Variants in LGMN observed in about 807,000 individuals in gnomAD.
The protein encoded by LGMN is legumain.
Under a neutral mutation model 56.8 loss-of-function variants are expected in LGMN, and 36 were observed. That is an observed-to-expected ratio of 0.63 (90% CI 0.49 to 0.84). The LOEUF is 0.84. Among genes scored for constraint, LGMN ranks in the 40% least tolerant of loss-of-function variants. The probability of loss-of-function intolerance (pLI) is 0.00; values close to 1 mark genes in which losing one functional copy is unlikely to be tolerated. For synonymous variants in LGMN, 199 were observed against 210.1 expected, an observed-to-expected ratio of 0.95 and a Z score of 0.46; for missense variants, 446 against 556.1, an observed-to-expected ratio of 0.80 and a Z score of 1.99.
At chr14:92,706,742 A>G in intron 11 of LGMN, 89 bp from the exon 12 acceptor site, 1 of 1,216,532 alleles carries the variant, frequency 8.2e-7, no homozygotes, top group Non-Finnish European at 1.1e-6. Context: ...TTCAAAGGCT[A>G]CTCTCCACAC....
At chr14:92,746,708 C>T (rs1891834079) in intron 1 of LGMN, among the ~76,000 whole-genome samples, 2 of 152,138 alleles carry the variant, frequency 1.3e-5, no homozygotes, top group Admixed American at 1.3e-4. Context: ...ACAGGAAGCC[C>T]TGGAAGATGT....
chr14:92,740,762 C>T (rs1016875702), intron 1 of LGMN, among the ~76,000 whole-genome samples: 2 of 152,200 alleles, frequency 1.3e-5, no homozygotes, highest in African/African-American at 2.4e-5. Context: ...CTGAGCTACA[C>T]AAAGTCAAAG....
intron 13 of LGMN, 77 bp from the exon 14 acceptor site, chr14:92,704,438 G>A (rs1179538113): frequency 1.1e-5 from 14 of 1,255,630 alleles, no homozygotes; most frequent in Admixed American, 7.2e-5. Flanking sequence ...ACCCACATGC[G>A]GCAGGCAGGC....
intron 1 of LGMN, chr14:92,743,122 T>TC (rs1254641548): frequency 6.6e-6 from 1 of 152,010 alleles, no homozygotes; most frequent in Non-Finnish European, 1.5e-5. Context: ...GCCTTCACAG[T>TC]CCATCTGTGA....
At chr14:92,739,235 C>T (rs528503892) in intron 1 of LGMN, among the ~76,000 whole-genome samples, 90 of 152,208 alleles carry the variant, frequency 5.9e-4, no homozygotes, top group African/African-American at 2.1e-3. Context: ...AAAACAAAGT[C>T]ACCAATAATC....
At chr14:92,744,841 G>A (rs984910211) in intron 1 of LGMN, among the ~76,000 whole-genome samples, 13 of 152,070 alleles carry the variant, frequency 8.5e-5, no homozygotes, top group Admixed American at 2.6e-4. Flanking sequence ...TGATCCGCCC[G>A]GCTCAGCCTC....
At chr14:92,723,793 G>T (rs907157936) in intron 2 of LGMN, among the ~76,000 whole-genome samples, 1 of 151,982 alleles carries the variant, frequency 6.6e-6, no homozygotes, top group Non-Finnish European at 1.5e-5. Context: ...GTGCAGCAGT[G>T]TGATCATGGC....
chr14:92,733,619 T>C (rs1891162244), intron 1 of LGMN: 1 of 152,222 alleles, frequency 6.6e-6, no homozygotes, highest in Non-Finnish European at 1.5e-5. Context: ...AAGACCAGAC[T>C]GGCCAACAAG....
At chr14:92,745,314 TAGCTAC>T (rs2140286552) in intron 1 of LGMN, among the ~76,000 whole-genome samples, 1 of 152,376 alleles carries the variant, frequency 6.6e-6, no homozygotes, top group African/African-American at 2.4e-5. Context: ...TAACTTTTTA[TAGCTAC>T]ATGTTAACTC....
Position 92,711,881 on chromosome 14 carries a change from G to A in LGMN, c.685C>T (p.Leu229=), listed in dbSNP as rs371679365. Residue 229 remains leucine, a synonymous_variant, in exon 9 of 14, where the codon CTG becomes TTG. Coordinates refer to ENST00000334869, the MANE Select transcript of LGMN (RefSeq NM_005606.7). ...CYYDEKRSTY[L]GDWYSVNWME... ...CAGTTGACGCTGTACCAGTCCCCCAGGTACGTGGACCTCTTCTCATCATAG... is the reference window on the plus strand; with the variant it reads ...CAGTTGACGCTGTACCAGTCCCCCAAGTACGTGGACCTCTTCTCATCATAG... The A allele has an allele frequency of 3.1e-6, 5 of 1,613,986 alleles. No homozygotes were observed. The highest frequency in any genetic ancestry group is 4.2e-6 in the Non-Finnish European group (5 of 1,179,998).
intron 2 of LGMN, among the ~76,000 whole-genome samples, chr14:92,729,567 A>G (rs1313217621): frequency 6.6e-6 from 1 of 151,508 alleles, no homozygotes; most frequent in Non-Finnish European, 1.5e-5. Context: ...ATTAACAAGT[A>G]TAACACATAG....
chr14:92,725,567 T>G (rs539253517), intron 2 of LGMN, among the ~76,000 whole-genome samples: 1 of 152,020 alleles, frequency 6.6e-6, no homozygotes, highest in African/African-American at 2.4e-5. Context: ...AAAAGCGGAT[T>G]TCTTTTTTCT....
At chr14:92,704,735 A>C in intron 12 of LGMN, 28 bp from the exon 13 acceptor site, 1 of 1,573,468 alleles carries the variant, frequency 6.4e-7, no homozygotes, top group South Asian at 1.1e-5. Context: ...AGAAGAATGA[A>C]ACTTCCTCAT....
At chr14:92,718,325 G>C (rs980501576) in intron 3 of LGMN, among the ~76,000 whole-genome samples, 7 of 152,104 alleles carry the variant, frequency 4.6e-5, no homozygotes, top group African/African-American at 1.7e-4. Flanking sequence ...TGTAATCCCA[G>C]CATTTTGGGA....
chr14:92,711,859 T>C lies in LGMN; in HGVS notation c.707A>G (p.Asn236Ser), dbSNP rs189805476. 3.8e-5 allele frequency: 62 copies of C among 1,613,770 alleles called. No homozygotes were observed. Among genetic ancestry groups the C allele is most frequent in the Non-Finnish European group, 5.2e-5 (61 of 1,179,618 alleles). Residue 236 changes from asparagine to serine, a missense_variant, in exon 9 of 14, where the codon AAC (asparagine) becomes AGC (serine). Physicochemically the swap from Asn to Ser is conservative, Grantham distance 46 (BLOSUM62 1). Transcript: ENST00000334869. ...STYLGDWYSV[N>S]WMEDSDVEDL... The stretch of plus-strand genomic sequence containing the variant: ...CACCACGTCCGAATCTTCCATCCAG[T>C]TGACGCTGTACCAGTCCCCCAGGTA...
At chr14:92,745,714 G>C (rs1172073507) in intron 1 of LGMN, among the ~76,000 whole-genome samples, 1 of 152,116 alleles carries the variant, frequency 6.6e-6, no homozygotes, top group African/African-American at 2.4e-5. Flanking sequence ...AATGTCTCTG[G>C]CTTCTTAGTA....
Position 92,722,155 on chromosome 14 carries a change from G to A in LGMN, c.139-3311C>T, listed in dbSNP as rs117012495. 5.5e-3 allele frequency among the ~76,000 whole-genome samples: 830 copies of A among 152,058 alleles called. 12 individuals are homozygous for A. Among genetic ancestry groups the A allele is most frequent in the Non-Finnish European group, 5.2e-3 (351 of 68,006 alleles). On this transcript the variant is annotated intron_variant, in intron 2 of 13. Transcript: ENST00000334869. ...AAGGGAAGGAGAGTCCATCAGACAG[G>A]GGACAAGGTACTAGTATAATTTTTT...
chr14:92,705,012 C>T, intron 12 of LGMN: 1 of 309,688 alleles, frequency 3.2e-6, no homozygotes, highest in South Asian at 4.6e-5. Flanking sequence ...CCTGGGATCT[C>T]CCCGGGAAGT....
At position 92,742,285 on chromosome 14, in the gene LGMN, T is replaced by C. The variant is rs147666023; in HGVS notation, c.-30+6204A>G. The stretch of plus-strand genomic sequence containing the variant: ...TAAAAGAAAATGTCTTGCTGTTTTT[T>C]GTTTTGCTTTTTTTTTTTTTCTTTT... On this transcript the variant is annotated intron_variant, in intron 1 of 13. Transcript: ENST00000334869. Among the ~76,000 whole-genome samples, 3 of 148,954 alleles carry C rather than the reference T, an allele frequency of 2.0e-5. 1 individual carries two copies. Among genetic ancestry groups the C allele is most frequent in the South Asian group, 4.2e-4 (2 of 4,742 alleles).
Sources: gnomAD v4.1 joint callset for allele counts (sites outside exome capture counted in the v4.1 genomes callset) on GRCh38, gnomAD v4.1.1 for gene constraint, MANE v1.5 for transcripts, NCBI Gene and HGNC (gene_info 2026-07-23, HGNC 2026-07-21) for gene names.